G2E3: variants seen among roughly 807,000 people sequenced by gnomAD.
G2E3 encodes the protein G2/M-phase specific E3 ubiquitin protein ligase, also known as G2/M phase-specific E3 ubiquitin-protein ligase.
In G2E3, 35 loss-of-function variants were observed where a neutral mutation model predicts 92.8. The observed-to-expected ratio is 0.38, with a 90% CI of 0.29 to 0.50. The LOEUF (loss-of-function observed/expected upper bound fraction) is 0.50, where lower values mean the gene tolerates loss of function less well. G2E3 is among the 20% of genes least tolerant of loss of function. G2E3 has a pLI of 0.94. For synonymous variants in G2E3, 242 were observed against 272.4 expected, an observed-to-expected ratio of 0.89 and a Z score of 1.10; for missense variants, 554 against 823.8, an observed-to-expected ratio of 0.67 and a Z score of 4.01.
chr14:30,589,825 C>T (rs538793769), intron 4 of G2E3, among the ~76,000 whole-genome samples: 2 of 152,060 alleles, frequency 1.3e-5, no homozygotes, highest in Admixed American at 6.6e-5. Context: ...TTCTCTAAAC[C>T]TTTGATCCTG....
At chr14:30,586,639 T>A in intron 2 of G2E3, 79 bp from the exon 3 acceptor site, 2 of 521,892 alleles carry the variant, frequency 3.8e-6, no homozygotes, top group South Asian at 6.6e-5. Context: ...ACACAGAAAT[T>A]TAGAGAAGCA....
chr14:30,591,538 G>T (rs1314847910), intron 4 of G2E3, among the ~76,000 whole-genome samples: 2 of 152,118 alleles, frequency 1.3e-5, no homozygotes, highest in Admixed American at 1.3e-4. Context: ...CACTAAGGGA[G>T]AATTGATTCC....
chr14:30,597,495 A>G lies in G2E3; in HGVS notation c.604A>G (p.Met202Val). 6.4e-7 allele frequency: 1 copy of G among 1,557,600 alleles called. No individual in the cohort carries two copies. Among genetic ancestry groups the G allele is most frequent in the East Asian group, 2.2e-5 (1 of 44,512 alleles). ...TAATAGTGACATCTTTCAGAAAGAG[A>G]TGTTGAGAATGGGAATTCATATTCC... ...CNNSDIFQKEMLRMGIHIPEK... is the reference protein window; with the variant it reads ...CNNSDIFQKEVLRMGIHIPEK... Residue 202 changes from methionine (M) to valine (V), a missense_variant, in exon 7 of 15, where the codon ATG becomes GTG. Transcript: ENST00000206595.
At chr14:30,607,866 A>G (rs1881905113) in intron 11 of G2E3, 22 bp from the exon 12 acceptor site, 4 of 1,368,586 alleles carry the variant, frequency 2.9e-6, no homozygotes, top group Non-Finnish European at 4.1e-6. Flanking sequence ...TGTATTTGAT[A>G]TATTTTCATC....
intron 1 of G2E3, chr14:30,560,765 T>G (rs949629429): frequency 4.3e-6 from 3 of 701,898 alleles, no homozygotes; most frequent in Non-Finnish European, 7.8e-6. Flanking sequence ...CAATGCTGAT[T>G]CCTGCACTTC....
chr14:30,566,260 A>G (rs1230841834), intron 1 of G2E3, among the ~76,000 whole-genome samples: 1 of 152,162 alleles, frequency 6.6e-6, no homozygotes, highest in Admixed American at 6.5e-5. Flanking sequence ...GTTTAGGCTT[A>G]GCTTTTCCAT....
chr14:30,593,418 T>C, intron 5 of G2E3, 56 bp from the exon 6 acceptor site: 1 of 808,474 alleles, frequency 1.2e-6, no homozygotes, highest in Non-Finnish European at 2.0e-6. Context: ...TTACAGTGTT[T>C]TCCAAGTTTT....
intron 4 of G2E3, 104 bp from the exon 5 acceptor site, chr14:30,592,219 A>T: frequency 2.0e-6 from 2 of 1,012,562 alleles, no homozygotes; most frequent in East Asian, 4.9e-5. Context: ...TACATGATGA[A>T]ATAATTTTCA....
intron 3 of G2E3, among the ~76,000 whole-genome samples, chr14:30,589,035 T>TAA (rs1880866805): frequency 2.0e-5 from 3 of 152,092 alleles, no homozygotes; most frequent in African/African-American, 4.8e-5. Context: ...TCCTTTTTGT[T>TAA]AAGCTTAATT....
At chr14:30,592,112 G>A (rs1278899333) in intron 4 of G2E3, among the ~76,000 whole-genome samples, 1 of 151,998 alleles carries the variant, frequency 6.6e-6, no homozygotes, top group Non-Finnish European at 1.5e-5. Context: ...TTTCTTTATC[G>A]AAATTGTTAT....
At chr14:30,563,737 GT>G (rs1389308341) in intron 1 of G2E3, among the ~76,000 whole-genome samples, 37 of 139,878 alleles carry the variant, frequency 2.6e-4, no homozygotes, top group African/African-American at 8.8e-4. Flanking sequence ...GTGTGTGTGT[GT>G]GATATAGAGT....
intron 1 of G2E3, chr14:30,577,641 A>G (rs1880192778): frequency 6.6e-6 from 1 of 152,206 alleles, no homozygotes; most frequent in Non-Finnish European, 1.5e-5. Context: ...TTTTTATGAC[A>G]TGGCAGCTGG....
intron 1 of G2E3, among the ~76,000 whole-genome samples, chr14:30,563,095 G>A (rs868521804): frequency 2.7e-5 from 4 of 148,686 alleles, no homozygotes; most frequent in African/African-American, 7.4e-5. Context: ...ACAATCTCTC[G>A]TCTCCGCACA....
At chr14:30,565,302 T>C (rs1390354865) in intron 1 of G2E3, among the ~76,000 whole-genome samples, 1 of 152,176 alleles carries the variant, frequency 6.6e-6, no homozygotes, top group Non-Finnish European at 1.5e-5. Context: ...TTTTGTTCAT[T>C]TTTAAGTTGG....
chr14:30,563,695 TTGTGTGTGTGTGTGTG>T lies in G2E3; in HGVS notation c.-5+4452_-5+4467del, dbSNP rs56029424. Among the ~76,000 whole-genome samples, 58 of 141,296 alleles carry T rather than the reference TTGTGTGTGTGTGTGTG, an allele frequency of 4.1e-4. 1 individual carries two copies. Among genetic ancestry groups the T allele is most frequent in the African/African-American group, 1.1e-3 (40 of 37,064 alleles). 92.7% of individuals were successfully genotyped at this position (141,296 alleles called of 152,430 possible). ...ATGTAAACTTGTAACTTTGTTACTT[TTGTGTGTGTGTGTGTG>T]TGTGTGTGTGTGTGTGTGTGTGTGT... On this transcript the variant is annotated intron_variant, in intron 1 of 14. Transcript: ENST00000206595.
chr14:30,599,634 A>G (rs1881467105), intron 8 of G2E3, among the ~76,000 whole-genome samples: 1 of 152,212 alleles, frequency 6.6e-6, no homozygotes, highest in African/African-American at 2.4e-5. Flanking sequence ...ATTTCAGCCC[A>G]TAGTCATATT....
chr14:30,560,709 G>A (rs1879043452), intron 1 of G2E3: 1 of 655,796 alleles, frequency 1.5e-6, no homozygotes, highest in Admixed American at 2.6e-5. Flanking sequence ...AAATCAGTGA[G>A]TTTCAGAATT....
chr14:30,577,027 C>T (rs1225383704), intron 1 of G2E3, among the ~76,000 whole-genome samples: 2 of 151,842 alleles, frequency 1.3e-5, no homozygotes, highest in Non-Finnish European at 2.9e-5. Flanking sequence ...GAGATTAAGA[C>T]CATCCTGGCC....
At chr14:30,593,661 C>T (rs372568601) in intron 6 of G2E3, 22 bp downstream of exon 6, 256 of 1,539,722 alleles carry the variant, frequency 1.7e-4, no homozygotes, top group Non-Finnish European at 1.8e-4. Flanking sequence ...ATTTTGTAAG[C>T]TTTCTCTGAT....
Sources: gnomAD v4.1 joint callset for allele counts (sites outside exome capture counted in the v4.1 genomes callset) on GRCh38, gnomAD v4.1.1 for gene constraint, MANE v1.5 for transcripts, NCBI Gene and HGNC (gene_info 2026-07-23, HGNC 2026-07-21) for gene names.